The following CARS1 variants were observed in gnomAD, a reference collection of about 807,000 sequenced individuals.
CARS1 encodes cysteinyl-tRNA synthetase 1.
Under a neutral mutation model 106.2 loss-of-function variants are expected in CARS1, and 48 were observed. The observed-to-expected ratio is 0.45, with a 90% CI of 0.36 to 0.57. The LOEUF (loss-of-function observed/expected upper bound fraction) is 0.57. CARS1 is among the 20% of genes least tolerant of loss of function. The pLI, the probability that CARS1 is intolerant of heterozygous loss-of-function variation, is 0.00. For missense variants in CARS1, 968 were observed against 1,057.2 expected, an observed-to-expected ratio of 0.92 and a Z score of 1.17; for synonymous variants, 409 against 403.4, an observed-to-expected ratio of 1.01 and a Z score of -0.17.
At chr11:3,001,397 A>T (rs1849391434) in intron 22 of CARS1, 149 bp from the exon 23 acceptor site, 1 of 894,366 alleles carries the variant, frequency 1.1e-6, no homozygotes, top group African/African-American at 1.7e-5. Flanking sequence ...ACTGCTCTGG[A>T]GCCAGCACAC....
intron 19 of CARS1, 56 bp downstream of exon 19, chr11:3,006,823 G>A (rs1849914199): frequency 7.2e-7 from 1 of 1,392,094 alleles, no homozygotes; most frequent in Admixed American, 1.7e-5. Flanking sequence ...AGCTCTCCTT[G>A]TGACACCTCT....
chr11:3,050,365 G>A lies in CARS1; in HGVS notation c.26-2364C>T, dbSNP rs1453608786. ...ACAGGCACCCAGAAGCAAAGCTCTG[G>A]GCACACTCCCTAGCCAAAACTGGAA... is the stretch of plus-strand genomic sequence containing the variant. On this transcript the variant is annotated intron_variant, in intron 1 of 22. Coordinates refer to ENST00000380525, the MANE Select transcript of CARS1 (RefSeq NM_001014437.3). This position sits in a 1 kb window ranked among gnomAD's most constrained non-coding sequence, Gnocchi z 6.3. 6.6e-6 allele frequency among the ~76,000 whole-genome samples: 1 copy of A among 152,038 alleles called. No homozygotes were observed. Among genetic ancestry groups the A allele is most frequent in the African/African-American group, 2.4e-5 (1 of 41,396 alleles).
At chr11:3,026,326 A>G (rs1156379438) in intron 10 of CARS1, among the ~76,000 whole-genome samples, 2 of 152,224 alleles carry the variant, frequency 1.3e-5, no homozygotes, top group African/African-American at 4.8e-5. Context: ...GTATATTTCA[A>G]CATAGCCAGA....
At chr11:3,051,303 G>C (rs757874680) in intron 1 of CARS1, among the ~76,000 whole-genome samples, 15 of 152,332 alleles carry the variant, frequency 9.8e-5, no homozygotes, top group African/African-American at 2.9e-4. Flanking sequence ...AGGCGCCTGG[G>C]GGGTGCCGGG....
rs756832211 is a variant in CARS1 at position 3,017,152 on chromosome 11, T to C, written c.1871A>G (p.Gln624Arg). ...ARKAVRKRPN[Q>R]ALLENIALYL... ...CAGGGCGATGTTCTCCAGCAGAGCCTGGTTGGGCCTCTTCCTCACGGCTTT... is the reference window on the plus strand; with the variant it reads ...CAGGGCGATGTTCTCCAGCAGAGCCCGGTTGGGCCTCTTCCTCACGGCTTT... The change falls in exon 16 of 23, where the codon CAG becomes CGG. Residue 624 changes from glutamine (Q) to arginine (R), a missense_variant. Coordinates refer to ENST00000380525, the MANE Select transcript of CARS1 (RefSeq NM_001014437.3). This position sits in a 1 kb window ranked among gnomAD's most constrained non-coding sequence, Gnocchi z 4.9. 1.9e-6 allele frequency: 3 copies of C among 1,614,148 alleles called. No homozygotes were observed. The South Asian group carries it at 3.3e-5, about 18-fold the overall frequency.
intron 17 of CARS1, among the ~76,000 whole-genome samples, chr11:3,014,427 G>A (rs571500889): frequency 2.0e-5 from 3 of 152,340 alleles, no homozygotes; most frequent in Admixed American, 6.5e-5. Context: ...CTGCTTCTTC[G>A]CAATCAGCTG....
intron 16 of CARS1, among the ~76,000 whole-genome samples, chr11:3,016,246 A>C (rs1294967602): frequency 6.9e-6 from 1 of 144,212 alleles, no homozygotes. Context: ...TTTGAGATGG[A>C]ATCTCACTCT....
chr11:3,035,057 C>T (rs1387664366), intron 7 of CARS1, among the ~76,000 whole-genome samples: 1 of 152,014 alleles, frequency 6.6e-6, no homozygotes, highest in African/African-American at 2.4e-5. Flanking sequence ...CTGTGATAAC[C>T]CATTAATCCA....
chr11:3,057,413 G>A lies in CARS1; in HGVS notation c.-46C>T, dbSNP rs768747925. On this transcript the variant is annotated 5_prime_UTR_variant, in exon 1 of 23. Coordinates refer to ENST00000380525, the MANE Select transcript of CARS1 (RefSeq NM_001014437.3). ...CAGCTGCGGCTACAGACACTTCCTA[G>A]AATCTGATGCAACCGCCGCCCCGGA... The A allele has an allele frequency of 5.4e-5, 86 of 1,584,326 alleles. No individual in the cohort carries two copies. The highest frequency in any genetic ancestry group is 5.0e-4 in the Middle Eastern group (3 of 6,024).
At chr11:3,026,562 T>C (rs1465192901) in intron 10 of CARS1, 114 bp downstream of exon 10, 2 of 1,107,004 alleles carry the variant, frequency 1.8e-6, no homozygotes, top group Admixed American at 2.4e-5. Context: ...AAAAGCACTG[T>C]TCCCAAGAGT....
At chr11:3,031,310 G>T (rs531108035) in intron 7 of CARS1, 1 of 152,258 alleles carries the variant, frequency 6.6e-6, no homozygotes, top group South Asian at 2.1e-4. Context: ...TTCAACAACA[G>T]CCAACAATGG....
chr11:3,033,905 T>C (rs933707237), intron 7 of CARS1, among the ~76,000 whole-genome samples: 2 of 152,184 alleles, frequency 1.3e-5, no homozygotes, highest in Non-Finnish European at 2.9e-5. Flanking sequence ...AGCATGATAC[T>C]CCTGCAGGAC....
In CARS1 at chr11:3,029,186, C is replaced by G; in HGVS notation, c.943-102G>C. The G allele has an allele frequency of 1.4e-6, 2 of 1,440,064 alleles. No homozygotes were observed. Among genetic ancestry groups the G allele is most frequent in the East Asian group, 4.6e-5 (2 of 43,894 alleles). 89.2% of individuals were successfully genotyped at this position (1,440,064 alleles called of 1,614,324 possible). ...AAAACGAAAAGCCCATTATGCCCCT[C>G]AACTCAAGTTCAATGTTGACTTGGC... On this transcript the variant is annotated intron_variant, in intron 8 of 22. Transcript: ENST00000380525. This position sits in a 1 kb window ranked among gnomAD's most constrained non-coding sequence, Gnocchi z 5.9.
chr11:3,043,509 T>C lies in CARS1; in HGVS notation c.275-1253A>G, dbSNP rs901228851. On this transcript the variant is annotated intron_variant, in intron 2 of 22. Transcript: ENST00000380525. The surrounding 1 kb of genome is among the most constrained non-coding windows in gnomAD (Gnocchi z 4.0). ...CTGGCCCTGGGAAGGGCTTCACATG[T>C]CTCTGCTGAGTGGCACCAGGAAGGC... Among the ~76,000 whole-genome samples, 14 of 151,156 alleles carry C rather than the reference T, an allele frequency of 9.3e-5. No homozygotes were observed. Among genetic ancestry groups the C allele is most frequent in the African/African-American group, 3.4e-4 (14 of 41,058 alleles).
chr11:3,042,127 A>G (rs768048759), intron 3 of CARS1, 38 bp downstream of exon 3: 2 of 1,508,604 alleles, frequency 1.3e-6, no homozygotes, highest in African/African-American at 1.4e-5. Context: ...CTGCCTCCCC[A>G]TTGTGTGCGT....
In CARS1 at chr11:3,030,130, G is replaced by A. The variant is rs1044213110; in HGVS notation, c.802-687C>T. The A allele has an allele frequency of 4.6e-5, 7 of 152,194 alleles. No individual in the cohort carries two copies. The highest frequency in any genetic ancestry group is 3.9e-4 in the Admixed American group (6 of 15,278). The allele number at this position is 152,194 out of a possible 1,614,324, so 9.4% of individuals were successfully genotyped here. The stretch of plus-strand genomic sequence containing the variant: ...GGACCTAGAGTCTCAATGCACTGAC[G>A]TGGACCCAGGACAGGGCGTGACACC... On this transcript the variant is annotated intron_variant, in intron 7 of 22. Coordinates refer to ENST00000380525, the MANE Select transcript of CARS1 (RefSeq NM_001014437.3). The surrounding 1 kb of genome is among the most constrained non-coding windows in gnomAD (Gnocchi z 5.7).
In CARS1 at chr11:3,039,742, G is replaced by T; in HGVS notation, c.552+93C>A. ...GTTTATCAGGTGAAAACACAAGCTA[G>T]CTCAAGCCTACATTATTTACTTATG... On this transcript the variant is annotated intron_variant, in intron 5 of 22. Transcript: ENST00000380525. This position sits in a 1 kb window ranked among gnomAD's most constrained non-coding sequence, Gnocchi z 5.6. The T allele has an allele frequency of 1.6e-6, 1 of 632,542 alleles. No individual in the cohort carries two copies. 39.2% of individuals were successfully genotyped at this position (632,542 alleles called of 1,614,324 possible).
intron 2 of CARS1, among the ~76,000 whole-genome samples, chr11:3,047,017 C>T (rs982942560): frequency 6.6e-6 from 1 of 152,186 alleles, no homozygotes; most frequent in Non-Finnish European, 1.5e-5. Flanking sequence ...GTGGTTCACA[C>T]TTGTAATCCC....
chr11:3,033,735 G>A (rs1853203727), intron 7 of CARS1, among the ~76,000 whole-genome samples: 1 of 152,156 alleles, frequency 6.6e-6, no homozygotes, highest in South Asian at 2.1e-4. Flanking sequence ...AAAGACTACA[G>A]AGGATCAACA....
Sources: gnomAD v4.1 joint callset for allele counts (sites outside exome capture counted in the v4.1 genomes callset) on GRCh38, gnomAD v4.1.1 for gene constraint, Gnocchi (gnomAD v3.1) non-coding constraint, MANE v1.5 for transcripts, NCBI Gene and HGNC (gene_info 2026-07-23, HGNC 2026-07-21) for gene names.